GRM8: variants seen among roughly 807,000 people sequenced by gnomAD.
GRM8 encodes glutamate metabotropic receptor 8, also known as metabotropic glutamate receptor 8.
GRM8 carries 47 observed loss-of-function variants against 87.2 expected under a neutral mutation model. The ratio of observed to expected loss-of-function variants is 0.54; its 90% CI spans 0.43 to 0.69. The LOEUF (loss-of-function observed/expected upper bound fraction) is 0.69. Ranked by LOEUF, GRM8 falls within the 30% of genes least tolerant of loss-of-function variation. The pLI is 0.00. For synonymous variants in GRM8, 396 were observed against 404.5 expected, an observed-to-expected ratio of 0.98 and a Z score of 0.25; for missense variants, 1,019 against 1,139.2, an observed-to-expected ratio of 0.89 and a Z score of 1.52.
chr7:126,963,229 T>C (rs892701385), intron 3 of GRM8, among the ~76,000 whole-genome samples: 1 of 152,200 alleles, frequency 6.6e-6, no homozygotes, highest in Non-Finnish European at 1.5e-5. Flanking sequence ...TCATTTCCAA[T>C]TGCATATTCT....
intron 9 of GRM8, among the ~76,000 whole-genome samples, chr7:126,471,696 A>C (rs1805264747): frequency 6.6e-6 from 1 of 151,712 alleles, no homozygotes; most frequent in South Asian, 2.1e-4. Context: ...TTCCATATGA[A>C]CTTTAAAGTA....
chr7:126,905,540 C>A (rs1031323847), intron 3 of GRM8, among the ~76,000 whole-genome samples: 3 of 151,964 alleles, frequency 2.0e-5, no homozygotes, highest in African/African-American at 7.3e-5. Context: ...TTTTTTTAGT[C>A]AGCTAAGAAT....
chr7:127,060,865 A>G (rs1011440138), intron 3 of GRM8, among the ~76,000 whole-genome samples: 1 of 152,140 alleles, frequency 6.6e-6, no homozygotes, highest in Non-Finnish European at 1.5e-5. Flanking sequence ...AATCTTTTGT[A>G]GTAGAATAAT....
At chr7:126,873,699 A>C (rs1355624288) in intron 6 of GRM8, among the ~76,000 whole-genome samples, 3 of 152,058 alleles carry the variant, frequency 2.0e-5, no homozygotes, top group Non-Finnish European at 2.9e-5. Context: ...TGAATCTCTA[A>C]GTACCTGGCT....
chr7:127,227,080 C>T (rs1318949001), intron 2 of GRM8, among the ~76,000 whole-genome samples: 1 of 152,130 alleles, frequency 6.6e-6, no homozygotes, highest in Non-Finnish European at 1.5e-5. Context: ...GAGTCAAATA[C>T]ATTAAGTTTA....
intron 7 of GRM8, among the ~76,000 whole-genome samples, chr7:126,692,541 G>C (rs2151375604): frequency 6.6e-6 from 1 of 152,286 alleles, no homozygotes; most frequent in South Asian, 2.1e-4. Context: ...CCACATGGAA[G>C]GTGTGTTCAA....
At chr7:126,717,325 G>A (rs1338058133) in intron 7 of GRM8, among the ~76,000 whole-genome samples, 1 of 152,178 alleles carries the variant, frequency 6.6e-6, no homozygotes, top group Non-Finnish European at 1.5e-5. Flanking sequence ...GTCGAGGCTT[G>A]TGGGGTGGAG....
intron 6 of GRM8, among the ~76,000 whole-genome samples, chr7:126,824,765 C>A (rs1298048341): frequency 1.3e-5 from 2 of 152,152 alleles, no homozygotes; most frequent in African/African-American, 2.4e-5. Flanking sequence ...AAATTATTTT[C>A]TTCACCTTCT....
At chr7:126,984,369 C>T (rs1811839469) in intron 3 of GRM8, among the ~76,000 whole-genome samples, 1 of 152,170 alleles carries the variant, frequency 6.6e-6, no homozygotes. Context: ...AGGAGATTAA[C>T]ATTTGAATCA....
At chr7:127,249,733 G>A (rs1798762294) in intron 1 of GRM8, among the ~76,000 whole-genome samples, 1 of 152,164 alleles carries the variant, frequency 6.6e-6, no homozygotes, top group South Asian at 2.1e-4. Flanking sequence ...GAAACAATAA[G>A]CCAGCCAACT....
intron 7 of GRM8, among the ~76,000 whole-genome samples, chr7:126,688,602 A>T (rs1187801576): frequency 6.6e-6 from 1 of 152,196 alleles, no homozygotes; most frequent in African/African-American, 2.4e-5. Flanking sequence ...GAGTTTAGGA[A>T]GTTGCAGATA....
chr7:126,692,457 A>T (rs1005607153), intron 7 of GRM8, among the ~76,000 whole-genome samples: 1 of 152,220 alleles, frequency 6.6e-6, no homozygotes, highest in Admixed American at 6.5e-5. Flanking sequence ...CATGTCCTTG[A>T]TGTCAACATT....
intron 7 of GRM8, among the ~76,000 whole-genome samples, chr7:126,711,046 A>G (rs932617018): frequency 1.3e-5 from 2 of 152,172 alleles, no homozygotes; most frequent in Non-Finnish European, 2.9e-5. Flanking sequence ...ATGGTGGTGC[A>G]TACCTGCAAT....
At position 126,668,131 on chromosome 7, in the gene GRM8, C is replaced by T. The variant is rs140922454; in HGVS notation, c.1358-58633G>A. On this transcript the variant is annotated intron_variant, in intron 7 of 10. Coordinates refer to ENST00000339582, the MANE Select transcript of GRM8 (RefSeq NM_000845.3). Reference sequence around the variant, plus strand: ...TCTTCCTGGGTGGAACCTGGGATTCCGACAACCCAGCGGGAAGTGCTCTAG... The same window carrying T: ...TCTTCCTGGGTGGAACCTGGGATTCTGACAACCCAGCGGGAAGTGCTCTAG... Among the ~76,000 whole-genome samples, 148 of 152,188 alleles carry T rather than the reference C, an allele frequency of 9.7e-4. 1 individual carries two copies. Among genetic ancestry groups the T allele is most frequent in the African/African-American group, 2.5e-3 (103 of 41,542 alleles).
At chr7:127,166,648 A>T (rs1191544951) in intron 2 of GRM8, among the ~76,000 whole-genome samples, 1 of 152,224 alleles carries the variant, frequency 6.6e-6, no homozygotes, top group Non-Finnish European at 1.5e-5. Flanking sequence ...ATATTAAAAC[A>T]AATTAATATG....
rs80121142 is a variant in GRM8, at chr7:126,798,300, A to G, written c.1157-28235T>C. On this transcript the variant is annotated intron_variant, in intron 6 of 10. Coordinates refer to ENST00000339582, the MANE Select transcript of GRM8 (RefSeq NM_000845.3). The stretch of plus-strand genomic sequence containing the variant: ...TGCATTTTACCAAGATAGAACAAAG[A>G]CATCAAGGAGAGTCCTGATGGGCAA... 4.9e-3 allele frequency among the ~76,000 whole-genome samples: 746 copies of G among 152,298 alleles called. 4 individuals are homozygous for G. The highest frequency in any genetic ancestry group is 0.017 in the African/African-American group (698 of 41,580).
chr7:126,683,843 T>C (rs1406333407), intron 7 of GRM8, among the ~76,000 whole-genome samples: 1 of 152,188 alleles, frequency 6.6e-6, no homozygotes, highest in Non-Finnish European at 1.5e-5. Flanking sequence ...GATGAGTTAA[T>C]AGTAGATTAA....
chr7:126,470,590 T>C (rs1805069718), intron 9 of GRM8, among the ~76,000 whole-genome samples: 1 of 152,130 alleles, frequency 6.6e-6, no homozygotes, highest in East Asian at 1.9e-4. Context: ...CAGTCTATCA[T>C]TGTTGGACAT....
At chr7:126,831,389 A>G (rs1004241371) in intron 6 of GRM8, among the ~76,000 whole-genome samples, 2 of 152,140 alleles carry the variant, frequency 1.3e-5, no homozygotes, top group African/African-American at 4.8e-5. Flanking sequence ...TTGTTTACCT[A>G]AGCAAGCCTG....
Sources: allele counts gnomAD v4.1 joint callset (sites outside exome capture counted in the v4.1 genomes callset), GRCh38; gene constraint gnomAD v4.1.1; transcripts MANE v1.5; gene names NCBI Gene and HGNC (gene_info 2026-07-23, HGNC 2026-07-21).